Variants in RARB observed in about 807,000 individuals in gnomAD.
RARB encodes retinoic acid receptor beta, also known as HBV-activated protein.
RARB carries 17 observed loss-of-function variants against 51.9 expected under a neutral mutation model. The ratio of observed to expected loss-of-function variants is 0.33; its 90% CI spans 0.22 to 0.49. RARB has a LOEUF of 0.49. Ranked by LOEUF, RARB falls within the 20% of genes least tolerant of loss-of-function variation. RARB has a pLI of 0.99. For synonymous variants in RARB, 215 were observed against 195.4 expected (o/e 1.10, Z -0.84); for missense variants, 369 against 550.8 (o/e 0.67, Z 3.30).
intron 5 of RARB, among the ~76,000 whole-genome samples, chr3:25,419,693 A>C (rs956451898): frequency 2.0e-5 from 3 of 152,182 alleles, no homozygotes; most frequent in African/African-American, 7.2e-5. Context: ...TCTGGGTGTG[A>C]AGCCCTGGAA....
At chr3:24,994,417 G>C (rs975100609) in intron 2 of RARB, among the ~76,000 whole-genome samples, 1 of 152,046 alleles carries the variant, frequency 6.6e-6, no homozygotes, top group Admixed American at 6.5e-5. Flanking sequence ...CAGATGAGTA[G>C]TTTGCAAATA....
At chr3:25,174,323 T>A in exon 5 of RARB, 1 of 1,239,652 alleles carries the variant, frequency 8.1e-7, no homozygotes, top group Non-Finnish European at 1.1e-6. Context: ...TGCATTTGCC[T>A]CCCTCACTTT....
intron 5 of RARB, among the ~76,000 whole-genome samples, chr3:25,402,941 G>A (rs997818148): frequency 3.9e-5 from 6 of 152,010 alleles, no homozygotes; most frequent in African/African-American, 9.7e-5. Context: ...GAGACAGGCC[G>A]ATCATGAGGT....
chr3:25,243,921 C>A (rs1205005392), intron 5 of RARB, among the ~76,000 whole-genome samples: 5 of 152,160 alleles, frequency 3.3e-5, no homozygotes, highest in Non-Finnish European at 5.9e-5. Flanking sequence ...TAGAATTCAG[C>A]TGTGAATCCA....
chr3:25,201,732 T>G (rs950743347), intron 5 of RARB, among the ~76,000 whole-genome samples: 1 of 152,172 alleles, frequency 6.6e-6, no homozygotes, highest in Non-Finnish European at 1.5e-5. Flanking sequence ...CTGGATTATG[T>G]TTATTGGTTT....
intron 5 of RARB, among the ~76,000 whole-genome samples, chr3:25,414,402 G>A (rs1203683735): frequency 6.6e-6 from 1 of 152,206 alleles, no homozygotes; most frequent in Non-Finnish European, 1.5e-5. Context: ...TTATTGAATA[G>A]AAATATGCCT....
At chr3:25,162,402 C>T (rs1309901885) in intron 4 of RARB, among the ~76,000 whole-genome samples, 3 of 152,168 alleles carry the variant, frequency 2.0e-5, no homozygotes, top group Admixed American at 2.0e-4. Flanking sequence ...AACCACACGC[C>T]CAGCCATTCT....
chr3:25,249,574 T>A (rs977442965), intron 5 of RARB, among the ~76,000 whole-genome samples: 17 of 152,260 alleles, frequency 1.1e-4, no homozygotes, highest in South Asian at 6.2e-4. Context: ...CAATTTTTTT[T>A]AATTTGCTTT....
chr3:25,116,008 A>T (rs1291683083), intron 3 of RARB, among the ~76,000 whole-genome samples: 1 of 152,192 alleles, frequency 6.6e-6, no homozygotes, highest in Non-Finnish European at 1.5e-5. Context: ...AGATAATTTC[A>T]AGATGTGACT....
chr3:25,019,445 G>C (rs1295207025), intron 2 of RARB, among the ~76,000 whole-genome samples: 1 of 152,096 alleles, frequency 6.6e-6, no homozygotes, highest in Non-Finnish European at 1.5e-5. Flanking sequence ...AAGAAATCCA[G>C]TTTTTATCTA....
chr3:25,166,523 C>T (rs1310451966), intron 4 of RARB, among the ~76,000 whole-genome samples: 1 of 152,132 alleles, frequency 6.6e-6, no homozygotes, highest in Non-Finnish European at 1.5e-5. Flanking sequence ...TTCCCCACAC[C>T]AAGTTCTAAA....
chr3:25,117,806 ATTAC>A (rs1474910043), intron 3 of RARB, among the ~76,000 whole-genome samples: 12 of 152,164 alleles, frequency 7.9e-5, no homozygotes, highest in African/African-American at 2.7e-4. Context: ...AAAGAAATTA[ATTAC>A]TTATTTCTAT....
chr3:25,272,008 G>A (rs1703267806), intron 5 of RARB, among the ~76,000 whole-genome samples: 1 of 152,082 alleles, frequency 6.6e-6, no homozygotes, highest in African/African-American at 2.4e-5. Context: ...GGTTATTTAA[G>A]TTTAAAGATA....
intron 2 of RARB, among the ~76,000 whole-genome samples, chr3:24,926,842 G>A (rs916753601): frequency 4.6e-5 from 7 of 151,992 alleles, no homozygotes; most frequent in African/African-American, 1.7e-4. Flanking sequence ...CCCAAATGAG[G>A]TTTAATATAT....
At chr3:25,217,160 A>T (rs1701852600) in intron 5 of RARB, among the ~76,000 whole-genome samples, 1 of 152,214 alleles carries the variant, frequency 6.6e-6, no homozygotes, top group South Asian at 2.1e-4. Context: ...ATTTATTTCT[A>T]TACAGAGAAA....
At chr3:25,064,268 G>T (rs1046434190) in intron 3 of RARB, among the ~76,000 whole-genome samples, 1 of 151,994 alleles carries the variant, frequency 6.6e-6, no homozygotes, top group African/African-American at 2.4e-5. Context: ...CTCCATTTCA[G>T]TTGAAATATT....
At chr3:25,320,879 C>T (rs1704552366) in intron 5 of RARB, among the ~76,000 whole-genome samples, 1 of 152,204 alleles carries the variant, frequency 6.6e-6, no homozygotes, top group South Asian at 2.1e-4. Flanking sequence ...CAATGTTCAT[C>T]ACTTAATCCC....
At chr3:25,255,431 C>A (rs1702840119) in intron 5 of RARB, among the ~76,000 whole-genome samples, 2 of 152,160 alleles carry the variant, frequency 1.3e-5, no homozygotes, top group African/African-American at 2.4e-5. Context: ...TGAATTTCCT[C>A]CTCTGCCTTC....
chr3:25,572,891 C>T (rs1700761357), intron 4 of RARB, among the ~76,000 whole-genome samples: 1 of 152,080 alleles, frequency 6.6e-6, no homozygotes, highest in African/African-American at 2.4e-5. Context: ...TGAAACAGCT[C>T]CCACTCTAAC....
Sources: gnomAD v4.1 joint callset for allele counts (sites outside exome capture counted in the v4.1 genomes callset) on GRCh38, gnomAD v4.1.1 for gene constraint, MANE v1.5 for transcripts, NCBI Gene and HGNC (gene_info 2026-07-23, HGNC 2026-07-21) for gene names.